The following CDHR3 variants were observed in gnomAD, a reference collection of about 807,000 sequenced individuals.
CDHR3 encodes the protein cadherin-related family member 3.
CDHR3 carries 79 observed loss-of-function variants against 86.6 expected under a neutral mutation model. The ratio of observed to expected loss-of-function variants is 0.91; its 90% confidence interval spans 0.76 to 1.10. CDHR3 has a LOEUF of 1.10. Ranked by LOEUF, CDHR3 falls within the 50% of genes least tolerant of loss-of-function variation. The pLI is 0.00. For synonymous variants in CDHR3, 421 were observed against 402.4 expected (o/e 1.05, Z -0.55); for missense variants, 1,081 against 1,077.6 (o/e 1.00, Z -0.04).
At position 105,981,063 on chromosome 7, in the gene CDHR3, C is replaced by T. The variant is rs1482595615; in HGVS notation, c.345C>T (p.Asp115=). Reference sequence around the variant, plus strand: ...TGAAGGATGAGGTTGGTGTCACAGACCTGCAAGTCCTGACTGTCCAGGTAA... The same window carrying T: ...TGAAGGATGAGGTTGGTGTCACAGATCTGCAAGTCCTGACTGTCCAGGTAA... ...IYVKDEVGVT[D]LQVLTVQVTD... The change falls in exon 3 of 19, where the codon GAC becomes GAT. Residue 115 remains aspartate, a synonymous_variant. Transcript: ENST00000317716. The T allele has an allele frequency of 6.2e-7, 1 of 1,613,490 alleles. No individual in the cohort carries two copies. The highest frequency in any genetic ancestry group is 8.5e-7 in the Non-Finnish European group (1 of 1,179,730).
intron 18 of CDHR3, among the ~76,000 whole-genome samples, chr7:106,031,745 G>A (rs2528881): frequency 6.6e-6 from 1 of 151,868 alleles, no homozygotes; most frequent in Non-Finnish European, 1.5e-5. Flanking sequence ...AGAGCAAAAG[G>A]CTCTTCCAGA....
At chr7:105,968,483 C>T (rs879548617) in intron 1 of CDHR3, among the ~76,000 whole-genome samples, 2 of 152,044 alleles carry the variant, frequency 1.3e-5, no homozygotes, top group Admixed American at 6.6e-5. Context: ...GCCTCAGCCT[C>T]CCAAGTAGCT....
At chr7:106,019,472 G>A (rs1283982061) in intron 12 of CDHR3, among the ~76,000 whole-genome samples, 1 of 151,798 alleles carries the variant, frequency 6.6e-6, no homozygotes. Context: ...CCCGGGCTCA[G>A]AAATAGCTGA....
At position 106,032,858 on chromosome 7, in the gene CDHR3, A is replaced by G. The variant is rs983173891; in HGVS notation, c.*161A>G. The stretch of plus-strand genomic sequence containing the variant: ...TTTGACAAATTTTTAAACAAATAGA[A>G]AGGGGTTTGATCACATAGTTGCGTG... On this transcript the variant is annotated 3_prime_UTR_variant, in exon 19 of 19. Coordinates refer to ENST00000317716, the MANE Select transcript of CDHR3 (RefSeq NM_152750.5). The G allele has an allele frequency of 9.2e-6, 6 of 654,374 alleles. No individual in the cohort carries two copies. The highest frequency in any genetic ancestry group is 9.1e-5 in the African/African-American group (5 of 54,962). 40.5% of individuals were successfully genotyped at this position (654,374 alleles called of 1,614,324 possible).
At chr7:105,998,727 T>G (rs1002954412) in intron 6 of CDHR3, among the ~76,000 whole-genome samples, 4 of 151,716 alleles carry the variant, frequency 2.6e-5, no homozygotes, top group African/African-American at 9.7e-5. Flanking sequence ...GAGGTTGCAG[T>G]GAGCTGAGAT....
At chr7:106,010,872 A>G (rs114542946) in intron 8 of CDHR3, among the ~76,000 whole-genome samples, 3,197 of 152,334 alleles carry the variant, frequency 0.021, 115 homozygotes, top group African/African-American at 0.072. Flanking sequence ...GTAGTTGGAC[A>G]TATTCTAGGC....
chr7:106,017,322 C>T (rs1419089477), intron 11 of CDHR3, among the ~76,000 whole-genome samples: 2 of 151,932 alleles, frequency 1.3e-5, no homozygotes, highest in African/African-American at 2.4e-5. Flanking sequence ...TTTGGGAGGC[C>T]GAGCTGGGCG....
At chr7:106,019,124 G>T (rs1475032710) in intron 12 of CDHR3, among the ~76,000 whole-genome samples, 1 of 152,186 alleles carries the variant, frequency 6.6e-6, no homozygotes, top group East Asian at 1.9e-4. Flanking sequence ...GGCAGCCATA[G>T]ACAAAGATTG....
intron 6 of CDHR3, 80 bp from the exon 7 acceptor site, chr7:106,001,382 C>T (rs1833145247): frequency 6.6e-7 from 1 of 1,515,502 alleles, no homozygotes; most frequent in South Asian, 1.2e-5. Context: ...ATATTTAGCA[C>T]TAACCAAAAT....
rs1835556109 is a variant in CDHR3 at position 106,015,962 on chromosome 7, A to G, written c.1363A>G (p.Asn455Asp). 3.7e-6 allele frequency: 6 copies of G among 1,613,302 alleles called. No individual in the cohort carries two copies. Among genetic ancestry groups the G allele is most frequent in the Non-Finnish European group, 5.1e-6 (6 of 1,179,512 alleles). ...VYVYILTSPE[N>D]EFPLIFDRPS... ...CGTTTATATCCTAACAAGCCCAGAA[A>G]ATGAGTTTCCTCTCATTTTTGATAG... The change falls in exon 11 of 19, where the codon AAT becomes GAT. Residue 455 changes from asparagine (N) to aspartate (D), a missense_variant. Transcript: ENST00000317716.
chr7:105,997,843 C>G (rs1832497900), intron 6 of CDHR3, among the ~76,000 whole-genome samples: 1 of 151,962 alleles, frequency 6.6e-6, no homozygotes, highest in African/African-American at 2.4e-5. Context: ...TGGGATGCAC[C>G]CAGAGGTCAG....
chr7:106,007,667 C>T (rs1297854139), intron 8 of CDHR3, among the ~76,000 whole-genome samples: 1 of 152,230 alleles, frequency 6.6e-6, no homozygotes, highest in Non-Finnish European at 1.5e-5. Context: ...ATTTAATTGT[C>T]CATATCATGA....
At chr7:106,008,609 A>G (rs1202682967) in intron 8 of CDHR3, among the ~76,000 whole-genome samples, 1 of 152,034 alleles carries the variant, frequency 6.6e-6, no homozygotes, top group Non-Finnish European at 1.5e-5. Context: ...CCTAAGCCCT[A>G]CAAGTCCATT....
chr7:106,032,854 T>C lies in CDHR3; in HGVS notation c.*157T>C, dbSNP rs560969778. The C allele has an allele frequency of 4.5e-6, 3 of 668,474 alleles. No individual in the cohort carries two copies. Among genetic ancestry groups the C allele is most frequent in the South Asian group, 2.2e-5 (1 of 45,612 alleles). The allele number at this position is 668,474 out of a possible 1,614,324, so 41.4% of individuals were successfully genotyped here. ...GATGTTTGACAAATTTTTAAACAAA[T>C]AGAAAGGGGTTTGATCACATAGTTG... On this transcript the variant is annotated 3_prime_UTR_variant, in exon 19 of 19. Coordinates refer to ENST00000317716, the MANE Select transcript of CDHR3 (RefSeq NM_152750.5).
Position 106,001,574 on chromosome 7 carries a change from A to T in CDHR3, c.826A>T (p.Ile276Phe). 6.2e-7 allele frequency: 1 copy of T among 1,614,006 alleles called. No individual in the cohort carries two copies. The highest frequency in any genetic ancestry group is 8.5e-7 in the Non-Finnish European group (1 of 1,179,886). The change falls in exon 7 of 19, where the codon ATT (isoleucine) becomes TTT (phenylalanine). Residue 276 changes from isoleucine to phenylalanine, a missense_variant. Transcript: ENST00000317716. ...TTTTCCCAGCCACCTCCTCTACAGC[A>T]TTACCACTGTTAGCAAATATTTCAT... ...EGFPSHLLYS[I>F]TTVSKYFMIN...
At chr7:106,009,530 A>G (rs1180811994) in intron 8 of CDHR3, among the ~76,000 whole-genome samples, 1 of 152,204 alleles carries the variant, frequency 6.6e-6, no homozygotes, top group Non-Finnish European at 1.5e-5. Flanking sequence ...CCTTCCTTGG[A>G]GGCTGTGGGC....
At chr7:105,990,937 T>A (rs1201789760) in intron 4 of CDHR3, among the ~76,000 whole-genome samples, 1 of 152,190 alleles carries the variant, frequency 6.6e-6, no homozygotes, top group Non-Finnish European at 1.5e-5. Flanking sequence ...GATGGGCTTC[T>A]TGTCTTCCAA....
At chr7:106,013,796 GT>G (rs1835167659) in intron 9 of CDHR3, among the ~76,000 whole-genome samples, 1 of 151,986 alleles carries the variant, frequency 6.6e-6, no homozygotes, top group Non-Finnish European at 1.5e-5. Context: ...ATTTTTTTCT[GT>G]TTAGGAAATT....
chr7:105,994,141 G>T (rs1397791193), intron 4 of CDHR3, among the ~76,000 whole-genome samples: 1 of 152,116 alleles, frequency 6.6e-6, no homozygotes, highest in East Asian at 1.9e-4. Context: ...CATGCATTTT[G>T]CGCCCTGCTA....
Sources: allele counts gnomAD v4.1 joint callset (sites outside exome capture counted in the v4.1 genomes callset), GRCh38; gene constraint gnomAD v4.1.1; transcripts MANE v1.5; gene names NCBI Gene and HGNC (gene_info 2026-07-23, HGNC 2026-07-21).